The following COL13A1 variants were observed in gnomAD, a reference collection of about 807,000 sequenced individuals.
COL13A1 encodes collagen alpha-1(XIII) chain.
COL13A1 carries 89 observed loss-of-function variants against 130.9 expected under a neutral mutation model. That is an observed-to-expected ratio of 0.68 (90% CI 0.57 to 0.81). The LOEUF (loss-of-function observed/expected upper bound fraction) is 0.81, where lower values mean the gene tolerates loss of function less well. COL13A1 is among the 30% of genes least tolerant of loss of function. COL13A1 has a pLI of 0.00. For synonymous variants in COL13A1, 402 were observed against 341.6 expected, an observed-to-expected ratio of 1.18 and a Z score of -1.95; for missense variants, 879 against 934.6, an observed-to-expected ratio of 0.94 and a Z score of 0.78.
chr10:69,870,585 G>A (rs1005394408), intron 3 of COL13A1, among the ~76,000 whole-genome samples: 6 of 151,712 alleles, frequency 4.0e-5, no homozygotes, highest in African/African-American at 1.5e-4. Context: ...TCTCCCAAGT[G>A]GCTGGGTAAA....
At chr10:69,837,436 C>T (rs1035247379) in intron 2 of COL13A1, among the ~76,000 whole-genome samples, 1 of 152,248 alleles carries the variant, frequency 6.6e-6, no homozygotes, top group Non-Finnish European at 1.5e-5. Context: ...AGCTGGGCAC[C>T]TGGTTCCGGA....
chr10:69,898,669 T>C, intron 13 of COL13A1, 28 bp from the exon 14 acceptor site: 10 of 1,607,532 alleles, frequency 6.2e-6, no homozygotes, highest in Non-Finnish European at 8.5e-6. Context: ...CTTTGCCCTC[T>C]GGCCCTCCAA....
chr10:69,879,486 G>C (rs2059922895), intron 6 of COL13A1: 2 of 152,180 alleles, frequency 1.3e-5, no homozygotes, highest in South Asian at 4.1e-4. Flanking sequence ...TCAGACCCAA[G>C]CATTCTGGCT....
At chr10:69,917,913 T>TCTC (rs563821634) in intron 18 of COL13A1, among the ~76,000 whole-genome samples, 5 of 151,116 alleles carry the variant, frequency 3.3e-5, no homozygotes, top group East Asian at 3.9e-4. Context: ...TCCCTTCCCA[T>TCTC]CTCCTCCTCC....
chr10:69,927,021 C>A, intron 26 of COL13A1, 66 bp from the exon 27 acceptor site: 4 of 1,606,646 alleles, frequency 2.5e-6, no homozygotes, highest in Non-Finnish European at 1.7e-6. Context: ...CATGACTGTG[C>A]AGTGAGAACC....
intron 2 of COL13A1, among the ~76,000 whole-genome samples, chr10:69,845,775 C>G (rs1564828428): frequency 6.6e-6 from 1 of 152,250 alleles, no homozygotes. Flanking sequence ...ACCTAGTCAG[C>G]TAAAAATGCA....
intron 10 of COL13A1, among the ~76,000 whole-genome samples, chr10:69,890,092 T>C (rs1344032942): frequency 6.6e-6 from 1 of 151,910 alleles, no homozygotes; most frequent in East Asian, 1.9e-4. Flanking sequence ...CTGCCCAGGG[T>C]ACCTGGAGTG....
intron 4 of COL13A1, 128 bp downstream of exon 4, chr10:69,872,338 C>A: frequency 9.5e-7 from 1 of 1,054,140 alleles, no homozygotes; most frequent in Non-Finnish European, 1.4e-6. Context: ...TCTCCAGAGT[C>A]CCTGATCTAT....
chr10:69,892,871 A>G (rs2061318193), intron 10 of COL13A1, among the ~76,000 whole-genome samples: 1 of 152,152 alleles, frequency 6.6e-6, no homozygotes, highest in Non-Finnish European at 1.5e-5. Flanking sequence ...GAAGACCACG[A>G]TTGTCCCCTG....
Position 69,925,889 on chromosome 10 carries a change from C to T in COL13A1, c.1398+17C>T, listed in dbSNP as rs1256935003. ...GCTCTCCAGGTGAGCAGGGTCCAGC[C>T]CAGAGGCCAAGATCCTCATGGATCT... is the stretch of plus-strand genomic sequence containing the variant. On this transcript the variant is annotated intron_variant, in intron 26 of 40. Coordinates refer to ENST00000645393, the MANE Select transcript of COL13A1 (RefSeq NM_001368882.1). The T allele has an allele frequency of 6.3e-7, 1 of 1,575,160 alleles. No individual in the cohort carries two copies. The highest frequency in any genetic ancestry group is 8.6e-7 in the Non-Finnish European group (1 of 1,158,234).
intron 12 of COL13A1, 132 bp downstream of exon 12, chr10:69,894,833 G>A (rs1273872913): frequency 5.1e-5 from 62 of 1,218,256 alleles, no homozygotes; most frequent in East Asian, 4.9e-5. Context: ...CCGAGGTGCC[G>A]CATAATAGAT....
intron 2 of COL13A1, among the ~76,000 whole-genome samples, chr10:69,847,645 G>A (rs1468201022): frequency 6.6e-6 from 1 of 152,238 alleles, no homozygotes; most frequent in Non-Finnish European, 1.5e-5. Flanking sequence ...AAATAACAGG[G>A]TCTGTATATA....
At chr10:69,887,555 T>G in intron 8 of COL13A1, 64 bp downstream of exon 8, 5 of 1,558,586 alleles carry the variant, frequency 3.2e-6, no homozygotes, top group Non-Finnish European at 4.4e-6. Flanking sequence ...TGGGTTAAAC[T>G]TCATCTGAGG....
intron 2 of COL13A1, among the ~76,000 whole-genome samples, chr10:69,843,206 C>A (rs1038162338): frequency 1.3e-5 from 2 of 150,678 alleles, no homozygotes; most frequent in Non-Finnish European, 3.0e-5. Flanking sequence ...TGGAGGCCAT[C>A]GGCCCACATG....
chr10:69,828,291 T>C (rs574216152), intron 2 of COL13A1, among the ~76,000 whole-genome samples: 1 of 152,136 alleles, frequency 6.6e-6, no homozygotes, highest in East Asian at 1.9e-4. Flanking sequence ...CATCTCTTCC[T>C]CCTGACTTTG....
intron 2 of COL13A1, 98 bp from the exon 3 acceptor site, chr10:69,867,700 C>T: frequency 1.4e-6 from 1 of 700,026 alleles, no homozygotes; most frequent in Admixed American, 2.1e-5. Context: ...ATGGAAACCC[C>T]TCCGCTGATG....
intron 2 of COL13A1, among the ~76,000 whole-genome samples, chr10:69,858,122 A>AG (rs1362305456): frequency 6.7e-6 from 1 of 148,748 alleles, no homozygotes; most frequent in African/African-American, 2.6e-5. Context: ...TCTCAAAAAA[A>AG]AAAAAAAAAA....
At chr10:69,947,459 T>C in intron 38 of COL13A1, 117 bp downstream of exon 38, 1 of 1,002,788 alleles carries the variant, frequency 1.0e-6, no homozygotes, top group East Asian at 2.6e-5. Context: ...TAAGTCATCC[T>C]AAATTGAAAG....
intron 37 of COL13A1, among the ~76,000 whole-genome samples, chr10:69,946,135 G>A (rs2136191134): frequency 6.6e-6 from 1 of 151,308 alleles, no homozygotes; most frequent in African/African-American, 2.4e-5. Flanking sequence ...CACAAATCCA[G>A]GGCCAAGGGA....
Sources: allele counts gnomAD v4.1 joint callset (sites outside exome capture counted in the v4.1 genomes callset), GRCh38; gene constraint gnomAD v4.1.1; transcripts MANE v1.5; gene names NCBI Gene and HGNC (gene_info 2026-07-23, HGNC 2026-07-21).